The following LRMDA variants were observed in gnomAD, a reference collection of about 807,000 sequenced individuals.
The protein encoded by LRMDA is leucine rich melanocyte differentiation associated.
In LRMDA, 18 loss-of-function variants were observed where a neutral mutation model predicts 29.8. The observed-to-expected ratio is 0.60, with a 90% CI of 0.42 to 0.90. The LOEUF is 0.90. LRMDA is among the 40% of genes least tolerant of loss of function. The probability of loss-of-function intolerance (pLI) is 0.00; values close to 1 mark genes in which losing one functional copy is unlikely to be tolerated. For missense variants in LRMDA, 273 were observed against 273.9 expected, an observed-to-expected ratio of 1.00 and a Z score of 0.02; for synonymous variants, 125 against 109.4, an observed-to-expected ratio of 1.14 and a Z score of -0.89.
rs563388250 is a variant in LRMDA at position 75,619,718 on chromosome 10, A to G, written c.131+181224A>G. 1.2e-4 allele frequency among the ~76,000 whole-genome samples: 18 copies of G among 152,304 alleles called. No homozygotes were observed. The Middle Eastern group carries it at 0.01, about 86-fold the overall frequency. On this transcript the variant is annotated intron_variant, in intron 2 of 6. Transcript: ENST00000611255. ...GTGAGACAGCAACTCTCCTTGAAGT[A>G]CAAGCTGTGGGGAGGCAGCGTTTAC... is the stretch of plus-strand genomic sequence containing the variant.
At chr10:75,433,889 G>A (rs1201653742) in intron 1 of LRMDA, among the ~76,000 whole-genome samples, 1 of 152,126 alleles carries the variant, frequency 6.6e-6, no homozygotes, top group Non-Finnish European at 1.5e-5. Context: ...AATGCTGCGT[G>A]GCTTGAAGTT....
chr10:75,823,174 G>C (rs1844190831), intron 2 of LRMDA, among the ~76,000 whole-genome samples: 1 of 151,950 alleles, frequency 6.6e-6, no homozygotes, highest in East Asian at 1.9e-4. Flanking sequence ...CACAGTAAAA[G>C]GACAACCTAC....
intron 6 of LRMDA, among the ~76,000 whole-genome samples, chr10:76,395,105 A>G (rs1321215885): frequency 6.6e-6 from 1 of 152,202 alleles, no homozygotes; most frequent in African/African-American, 2.4e-5. Context: ...AGGTGAATAG[A>G]TACACACTGC....
intron 6 of LRMDA, among the ~76,000 whole-genome samples, chr10:76,350,339 G>A (rs1841160135): frequency 6.6e-6 from 1 of 151,864 alleles, no homozygotes; most frequent in South Asian, 2.1e-4. Flanking sequence ...TAATGAAAAG[G>A]CAAAACCAAA....
chr10:75,885,630 T>G (rs1845375219), intron 2 of LRMDA, among the ~76,000 whole-genome samples: 1 of 152,206 alleles, frequency 6.6e-6, no homozygotes, highest in African/African-American at 2.4e-5. Context: ...TTCTCTAGGC[T>G]GCAAGCTCCT....
At chr10:76,175,957 C>CTGCCATAGCGATGTACACTGTGCAGAT (rs879337870) in intron 5 of LRMDA, among the ~76,000 whole-genome samples, 3 of 152,202 alleles carry the variant, frequency 2.0e-5, no homozygotes, top group Non-Finnish European at 4.4e-5. Flanking sequence ...GCCGCTCTGC[C>CTGCCATAGCGATGTACACTGTGCAGAT]TGCCATAGCG....
At chr10:76,185,593 A>T (rs1264865061) in intron 5 of LRMDA, among the ~76,000 whole-genome samples, 1 of 152,182 alleles carries the variant, frequency 6.6e-6, no homozygotes, top group East Asian at 1.9e-4. Context: ...TATCAGCCAT[A>T]GTGAATCCCT....
intron 2 of LRMDA, among the ~76,000 whole-genome samples, chr10:75,631,577 C>T (rs556113099): frequency 3.3e-5 from 5 of 151,982 alleles, no homozygotes; most frequent in African/African-American, 4.8e-5. Flanking sequence ...ACAGCTTGGA[C>T]GGAGTGTTGC....
intron 2 of LRMDA, among the ~76,000 whole-genome samples, chr10:75,603,290 G>T (rs967734285): frequency 1.3e-5 from 2 of 151,894 alleles, no homozygotes; most frequent in East Asian, 3.9e-4. Flanking sequence ...CAAGTTTAGG[G>T]TCTGTTTCAT....
intron 5 of LRMDA, among the ~76,000 whole-genome samples, chr10:76,259,331 T>G (rs1480077076): frequency 6.6e-6 from 1 of 152,084 alleles, no homozygotes; most frequent in East Asian, 1.9e-4. Flanking sequence ...ACTCATTGGT[T>G]GTTCAGGAGT....
chr10:76,477,533 C>G (rs866507931), intron 6 of LRMDA, among the ~76,000 whole-genome samples: 75 of 152,106 alleles, frequency 4.9e-4, no homozygotes, highest in African/African-American at 1.7e-3. Context: ...ACTTTCTTCA[C>G]AGAATTGGAA....
chr10:75,561,378 A>G (rs1299156356), intron 2 of LRMDA, among the ~76,000 whole-genome samples: 1 of 148,396 alleles, frequency 6.7e-6, no homozygotes, highest in Non-Finnish European at 1.5e-5. Context: ...ATCAATGGTG[A>G]TATCCCCTTT....
At position 76,496,129 on chromosome 10, in the gene LRMDA, G is replaced by A. The variant is rs1842878349; in HGVS notation, c.602-61080G>A. Reference sequence around the variant, plus strand: ...CTGGGTCTTGTACCCAGTGCACCATGGTTTACTAGATTTTCCACTCTAGTT... The same window carrying A: ...CTGGGTCTTGTACCCAGTGCACCATAGTTTACTAGATTTTCCACTCTAGTT... On this transcript the variant is annotated intron_variant, in intron 6 of 6. Coordinates refer to ENST00000611255, the MANE Select transcript of LRMDA (RefSeq NM_001305581.2). 2.7e-5 allele frequency among the ~76,000 whole-genome samples: 2 copies of A among 74,962 alleles called. 1 individual carries two copies. The highest frequency in any genetic ancestry group is 6.5e-5 in the African/African-American group (2 of 30,710). The allele number at this position is 74,962 out of a possible 152,430, so 49.2% of individuals were successfully genotyped here.
At chr10:76,048,088 A>T (rs1848470246) in intron 4 of LRMDA, among the ~76,000 whole-genome samples, 1 of 152,144 alleles carries the variant, frequency 6.6e-6, no homozygotes, top group African/African-American at 2.4e-5. Flanking sequence ...TGCTTTAATG[A>T]CCTTTTCATG....
At chr10:76,187,057 T>C (rs753841845) in intron 5 of LRMDA, among the ~76,000 whole-genome samples, 24 of 152,226 alleles carry the variant, frequency 1.6e-4, no homozygotes, top group Non-Finnish European at 3.2e-4. Flanking sequence ...ACTCCCAGCC[T>C]CTCCCAGGGT....
At chr10:76,361,564 G>A (rs927050666) in intron 6 of LRMDA, among the ~76,000 whole-genome samples, 3 of 152,118 alleles carry the variant, frequency 2.0e-5, no homozygotes, top group African/African-American at 7.2e-5. Context: ...TACATGCCAA[G>A]TACCTGGCTT....
At chr10:76,283,891 C>A (rs545757651) in intron 5 of LRMDA, among the ~76,000 whole-genome samples, 2 of 152,250 alleles carry the variant, frequency 1.3e-5, no homozygotes, top group East Asian at 3.9e-4. Context: ...ATCTTGAACT[C>A]CTTGGTTCAA....
chr10:75,778,383 C>T (rs183796817), intron 2 of LRMDA, among the ~76,000 whole-genome samples: 4 of 152,110 alleles, frequency 2.6e-5, no homozygotes, highest in East Asian at 1.9e-4. Flanking sequence ...TGGCCTTGTC[C>T]GTCTATTTTT....
intron 2 of LRMDA, among the ~76,000 whole-genome samples, chr10:75,950,775 A>C (rs1456445060): frequency 2.6e-5 from 4 of 152,210 alleles, no homozygotes; most frequent in Admixed American, 2.0e-4. Flanking sequence ...CTCTGCACAC[A>C]GTGATCACTC....
Sources: gnomAD v4.1 joint callset for allele counts (sites outside exome capture counted in the v4.1 genomes callset) on GRCh38, gnomAD v4.1.1 for gene constraint, MANE v1.5 for transcripts, NCBI Gene and HGNC (gene_info 2026-07-23, HGNC 2026-07-21) for gene names.